SIM1: variants seen among roughly 807,000 people sequenced by gnomAD.
The protein encoded by SIM1 is SIM bHLH transcription factor 1.
SIM1 carries 18 observed loss-of-function variants against 78.2 expected under a neutral mutation model. That is an observed-to-expected ratio of 0.23 (90% CI 0.16 to 0.34). The LOEUF is 0.34. Among genes scored for constraint, SIM1 ranks in the 10% least tolerant of loss-of-function variants. SIM1 has a pLI of 1.00. For synonymous variants in SIM1, 417 were observed against 385.2 expected (o/e 1.08, Z -0.97); for missense variants, 939 against 975.1 (o/e 0.96, Z 0.49).
chr6:100,412,719 G>T (rs1027752070), intron 10 of SIM1, among the ~76,000 whole-genome samples: 2 of 130,550 alleles, frequency 1.5e-5, no homozygotes, highest in African/African-American at 3.0e-5. Context: ...AAGAAAGAAA[G>T]AAAGAAAGAA....
In SIM1 at chr6:100,413,330, A is replaced by T. The variant is rs116014148; in HGVS notation, c.1167+7460T>A. On this transcript the variant is annotated intron_variant, in intron 10 of 11. Transcript: ENST00000369208. ...CACTCAATATCTGCTAAGGACCTCTAGGTGGCCAAGGCAATCTGGTTACCA... is the reference window on the plus strand; with the variant it reads ...CACTCAATATCTGCTAAGGACCTCTTGGTGGCCAAGGCAATCTGGTTACCA... Among the ~76,000 whole-genome samples, 572 of 152,232 alleles carry T rather than the reference A, an allele frequency of 3.8e-3. 3 individuals are homozygous for T. The highest frequency in any genetic ancestry group is 0.013 in the African/African-American group (556 of 41,524).
chr6:100,390,762 G>C lies in SIM1; in HGVS notation c.1900C>G (p.Gln634Glu). ...CTCAACATTTTTCCCTCTCTCTGCTGGATATGGTCACATGGTGAAGTGTTG... is the reference window on the plus strand; with the variant it reads ...CTCAACATTTTTCCCTCTCTCTGCTCGATATGGTCACATGGTGAAGTGTTG... ...LANTSPCDHI[Q>E]QREGKMLSPH... Residue 634 changes from glutamine to glutamate, a missense_variant, in exon 12 of 12, where the codon CAG (glutamine) becomes GAG (glutamate). Coordinates refer to ENST00000369208, the MANE Select transcript of SIM1 (RefSeq NM_005068.3). The C allele has an allele frequency of 6.2e-7, 1 of 1,614,144 alleles. No homozygotes were observed. Among genetic ancestry groups the C allele is most frequent in the South Asian group, 1.1e-5 (1 of 91,078 alleles).
intron 10 of SIM1, among the ~76,000 whole-genome samples, chr6:100,402,997 C>T (rs1770963932): frequency 6.6e-6 from 1 of 152,068 alleles, no homozygotes; most frequent in Admixed American, 6.5e-5. Flanking sequence ...TGAGTTATTC[C>T]TTTATTTTCA....
At chr6:100,460,478 A>C (rs1436655354) in intron 2 of SIM1, among the ~76,000 whole-genome samples, 3 of 152,220 alleles carry the variant, frequency 2.0e-5, no homozygotes. Flanking sequence ...AATTATTTAG[A>C]TTATATACCT....
Position 100,463,438 on chromosome 6 carries a change from T to A in SIM1, c.31A>T (p.Thr11Ser), listed in dbSNP as rs780286691. 19 of 1,612,034 alleles carry A rather than the reference T, an allele frequency of 1.2e-5. No individual in the cohort carries two copies. The highest frequency in any genetic ancestry group is 1.6e-5 in the Non-Finnish European group (19 of 1,178,346). Reference sequence around the variant, plus strand: ...TCACTGTTTTCCTTCTCCCTCCTAGTCCGCGCAGCATTTTTGGACTTTTCT... The same window carrying A: ...TCACTGTTTTCCTTCTCCCTCCTAGACCGCGCAGCATTTTTGGACTTTTCT... Reference protein sequence around the residue: MKEKSKNAARTRREKENSEFY... With the variant: MKEKSKNAARSRREKENSEFY... Residue 11 changes from threonine to serine, a missense_variant, in exon 2 of 12, where the codon ACT becomes TCT. Thr to Ser is a moderately conservative substitution (Grantham distance 58). Transcript: ENST00000369208.
chr6:100,447,486 G>A (rs1772386653), intron 8 of SIM1, 71 bp from the exon 9 acceptor site: 3 of 1,581,380 alleles, frequency 1.9e-6, no homozygotes, highest in East Asian at 2.3e-5. Flanking sequence ...GCAATCCCTG[G>A]TGGTAAGAAT....
chr6:100,421,500 A>C (rs1300294587), intron 9 of SIM1, among the ~76,000 whole-genome samples: 5 of 152,228 alleles, frequency 3.3e-5, no homozygotes, highest in Non-Finnish European at 1.5e-5. Context: ...TCGTTTATTC[A>C]ATAAATATTT....
At chr6:100,455,598 G>T (rs1772628176) in intron 2 of SIM1, among the ~76,000 whole-genome samples, 1 of 152,234 alleles carries the variant, frequency 6.6e-6, no homozygotes, top group Admixed American at 6.5e-5. Flanking sequence ...AAAGGAGAAA[G>T]GACCCTATTG....
intron 3 of SIM1, among the ~76,000 whole-genome samples, chr6:100,452,976 G>C (rs925546335): frequency 5.3e-5 from 8 of 152,194 alleles, no homozygotes; most frequent in Non-Finnish European, 1.2e-4. Flanking sequence ...TTAGGTTCAA[G>C]GCTTCCAGGA....
chr6:100,450,714 A>ACG (rs1772494927), intron 3 of SIM1, among the ~76,000 whole-genome samples: 1 of 151,388 alleles, frequency 6.6e-6, no homozygotes, highest in Non-Finnish European at 1.5e-5. Context: ...ACACACACAC[A>ACG]CACACACACA....
chr6:100,389,672 C>A lies in SIM1; in HGVS notation c.*689G>T, dbSNP rs745626403. On this transcript the variant is annotated 3_prime_UTR_variant, in exon 12 of 12. Coordinates refer to ENST00000369208, the MANE Select transcript of SIM1 (RefSeq NM_005068.3). ...AAAAACCCTCAGCGCCATGTCAGTG[C>A]AATCCTGGTCCTTGTCTAACTGAAA... 12 of 398,850 alleles carry A rather than the reference C, an allele frequency of 3.0e-5. No homozygotes were observed. Among genetic ancestry groups the A allele is most frequent in the Non-Finnish European group, 4.4e-5 (10 of 226,040 alleles). The allele number at this position is 398,850 out of a possible 1,614,324, so 24.7% of individuals were successfully genotyped here. A position where few individuals can be genotyped will look rare whatever the true frequency, so the allele number is the denominator to read the frequency against.
At chr6:100,442,282 G>C (rs2114532783) in intron 9 of SIM1, among the ~76,000 whole-genome samples, 1 of 152,328 alleles carries the variant, frequency 6.6e-6, no homozygotes, top group Admixed American at 6.5e-5. Flanking sequence ...GATTATTTAA[G>C]TGAGTATTTA....
chr6:100,428,840 T>C (rs1321568764), intron 9 of SIM1, among the ~76,000 whole-genome samples: 1 of 152,054 alleles, frequency 6.6e-6, no homozygotes, highest in Non-Finnish European at 1.5e-5. Flanking sequence ...AGATTAACAA[T>C]AAAAATTGGT....
At chr6:100,449,135 G>A (rs1772444456) in intron 6 of SIM1, among the ~76,000 whole-genome samples, 1 of 152,142 alleles carries the variant, frequency 6.6e-6, no homozygotes, top group African/African-American at 2.4e-5. Context: ...CATAGCCCCC[G>A]CGGCCACCCA....
intron 9 of SIM1, among the ~76,000 whole-genome samples, chr6:100,422,720 AAT>A (rs1362493391): frequency 3.9e-5 from 6 of 152,270 alleles, no homozygotes; most frequent in Middle Eastern, 3.4e-3. Flanking sequence ...CATAATGATG[AAT>A]ATATGAGGTA....
intron 9 of SIM1, among the ~76,000 whole-genome samples, chr6:100,431,103 T>C (rs1340462318): frequency 6.6e-6 from 1 of 152,094 alleles, no homozygotes; most frequent in Non-Finnish European, 1.5e-5. Flanking sequence ...TATAGAAAAA[T>C]AGAGCCTCAG....
At chr6:100,422,255 G>A (rs1210403043) in intron 9 of SIM1, among the ~76,000 whole-genome samples, 2 of 152,074 alleles carry the variant, frequency 1.3e-5, no homozygotes, top group Non-Finnish European at 2.9e-5. Context: ...CCAGGCTGGA[G>A]TGCAGTGGCA....
intron 10 of SIM1, among the ~76,000 whole-genome samples, chr6:100,417,741 G>C (rs887269569): frequency 6.6e-6 from 1 of 152,162 alleles, no homozygotes; most frequent in Non-Finnish European, 1.5e-5. Flanking sequence ...CTGCTCACTT[G>C]TCTGTCTATA....
intron 11 of SIM1, among the ~76,000 whole-genome samples, chr6:100,392,348 A>G (rs944667415): frequency 3.9e-5 from 6 of 152,276 alleles, no homozygotes; most frequent in African/African-American, 1.4e-4. Context: ...GTAGGAATAT[A>G]TGAAAGCTGT....
Sources: allele counts gnomAD v4.1 joint callset (sites outside exome capture counted in the v4.1 genomes callset), GRCh38; gene constraint gnomAD v4.1.1; transcripts MANE v1.5; gene names NCBI Gene and HGNC (gene_info 2026-07-23, HGNC 2026-07-21).